Variants in SORCS2 observed in about 807,000 individuals in gnomAD.
SORCS2 encodes VPS10 domain-containing receptor SorCS2.
Under a neutral mutation model 141.6 loss-of-function variants are expected in SORCS2, and 100 were observed. The observed-to-expected ratio is 0.71, with a 90% confidence interval of 0.60 to 0.83. The LOEUF (loss-of-function observed/expected upper bound fraction) is 0.83, where lower values mean the gene tolerates loss of function less well. SORCS2 is among the 40% of genes least tolerant of loss of function. SORCS2 has a pLI of 0.00. For synonymous variants in SORCS2, 789 were observed against 676.9 expected (o/e 1.17, Z -2.57); for missense variants, 1,646 against 1,560.2 (o/e 1.05, Z -0.93).
intron 1 of SORCS2, among the ~76,000 whole-genome samples, chr4:7,277,346 G>C (rs561732252): frequency 9.8e-5 from 15 of 152,308 alleles, no homozygotes; most frequent in Middle Eastern, 3.4e-3. Context: ...GCTGAGCGGG[G>C]GTCTCTGCCT....
intron 1 of SORCS2, among the ~76,000 whole-genome samples, chr4:7,291,201 G>C (rs1238236867): frequency 6.6e-6 from 1 of 152,148 alleles, no homozygotes; most frequent in Non-Finnish European, 1.5e-5. Context: ...GGCGGTGGGG[G>C]CAGAGCTGAG....
intron 1 of SORCS2, among the ~76,000 whole-genome samples, chr4:7,284,540 A>G (rs1716085293): frequency 6.6e-6 from 1 of 152,212 alleles, no homozygotes; most frequent in Non-Finnish European, 1.5e-5. Context: ...TGGCAGCTCC[A>G]TGACCCTCAG....
chr4:7,265,277 G>T (rs1714651057), intron 1 of SORCS2, among the ~76,000 whole-genome samples: 1 of 152,152 alleles, frequency 6.6e-6, no homozygotes, highest in African/African-American at 2.4e-5. Context: ...TGGATCACGA[G>T]GTCAAGAGAT....
At position 7,661,480 on chromosome 4, in the gene SORCS2, C is replaced by T. The variant is rs780735529; in HGVS notation, c.888-20C>T. On this transcript the variant is annotated intron_variant, in intron 5 of 26. Transcript: ENST00000507866. ...ATGGTGACTCCATTCCCGACCCCAG[C>T]CTCAGCTCTTCTTTTCCAGGTCTGT... 4.5e-6 allele frequency: 7 copies of T among 1,551,288 alleles called. No homozygotes were observed. The African/African-American group carries it at 5.5e-5, about 12-fold the overall frequency.
chr4:7,396,434 C>CT, intron 2 of SORCS2, 79 bp downstream of exon 2: 2 of 1,441,328 alleles, frequency 1.4e-6, no homozygotes. Context: ...GGACCGAGAT[C>CT]CAAACACCTC....
chr4:7,264,409 G>A (rs904040806), intron 1 of SORCS2, among the ~76,000 whole-genome samples: 6 of 152,232 alleles, frequency 3.9e-5, no homozygotes, highest in South Asian at 4.2e-4. Context: ...TGCAGGTGTG[G>A]GCATCTGTCC....
chr4:7,456,345 G>A (rs542250480), intron 2 of SORCS2, among the ~76,000 whole-genome samples: 1 of 152,294 alleles, frequency 6.6e-6, no homozygotes, highest in South Asian at 2.1e-4. Context: ...ATGCGAATGA[G>A]GCATTTCCCT....
chr4:7,724,921 G>GT lies in SORCS2; in HGVS notation c.2612-233_2612-232insT, dbSNP rs1727078961. On this transcript the variant is annotated intron_variant, in intron 19 of 26. Coordinates refer to ENST00000507866, the MANE Select transcript of SORCS2 (RefSeq NM_020777.3). Reference sequence around the variant, plus strand: ...TGGTGGTGATAGTATTGGTGGGAATGGATGGTGGTAGTAGTGGTGATGGTG... The same window carrying GT: ...TGGTGGTGATAGTATTGGTGGGAATGTGATGGTGGTAGTAGTGGTGATGGTG... Among the ~76,000 whole-genome samples, 72 of 38,780 alleles carry GT rather than the reference G, an allele frequency of 1.9e-3. 1 individual carries two copies. The highest frequency in any genetic ancestry group is 4.0e-3 in the East Asian group (5 of 1,246). 25.4% of individuals were successfully genotyped at this position (38,780 alleles called of 152,430 possible).
intron 14 of SORCS2, among the ~76,000 whole-genome samples, chr4:7,709,073 G>A (rs778953510): frequency 6.6e-6 from 1 of 152,184 alleles, no homozygotes; most frequent in Non-Finnish European, 1.5e-5. Context: ...TGGCCTTTAC[G>A]GGGATGGGGA....
chr4:7,313,460 A>G (rs4689699), intron 1 of SORCS2, among the ~76,000 whole-genome samples: 90,806 of 152,024 alleles, frequency 0.6, 27,243 homozygotes, highest in South Asian at 0.76. Flanking sequence ...ACGAGAGGGT[A>G]AAGGGAGGAG....
At chr4:7,314,846 T>C (rs1158003731) in intron 1 of SORCS2, among the ~76,000 whole-genome samples, 1 of 147,902 alleles carries the variant, frequency 6.8e-6, no homozygotes, top group Non-Finnish European at 1.5e-5. Context: ...GTTGTTGTTT[T>C]TGTTGTTGTT....
intron 3 of SORCS2, among the ~76,000 whole-genome samples, chr4:7,629,368 G>T (rs938998743): frequency 6.6e-6 from 1 of 152,160 alleles, no homozygotes; most frequent in African/African-American, 2.4e-5. Flanking sequence ...GGTGGCCAGA[G>T]CCAGGTGAGA....
At chr4:7,399,449 A>C (rs923717438) in intron 2 of SORCS2, among the ~76,000 whole-genome samples, 3 of 152,136 alleles carry the variant, frequency 2.0e-5, no homozygotes, top group Non-Finnish European at 2.9e-5. Context: ...CTCGAAGCTG[A>C]ATGTGTTTTT....
chr4:7,193,036 G>T lies in SORCS2; in HGVS notation c.390G>T (p.Ala130=), dbSNP rs1447358963. 2 of 1,514,398 alleles carry T rather than the reference G, an allele frequency of 1.3e-6. No individual in the cohort carries two copies. The highest frequency in any genetic ancestry group is 2.1e-5 in the Admixed American group (1 of 48,136). 93.8% of individuals were successfully genotyped at this position (1,514,398 alleles called of 1,614,324 possible). A position where few individuals can be genotyped will look rare whatever the true frequency, so the allele number is the denominator to read the frequency against. Residue 130 remains alanine (A), a synonymous_variant, in exon 1 of 27, where the codon GCG becomes GCT. Coordinates refer to ENST00000507866, the MANE Select transcript of SORCS2 (RefSeq NM_020777.3). The surrounding 1 kb of genome is among the most constrained non-coding windows in gnomAD (Gnocchi z 4.8). ...CGCTGGCCGGAGTGGCTTCGCGGGC[G>T]CAGGTCTCGCTCATCAGCACGTCGT... The part of the protein sequence containing the change: ...AAPLAGVASR[A]QVSLISTSFV...
At chr4:7,214,568 T>C (rs1490548118) in intron 1 of SORCS2, among the ~76,000 whole-genome samples, 4 of 152,236 alleles carry the variant, frequency 2.6e-5, no homozygotes, top group African/African-American at 9.6e-5. Flanking sequence ...AAATTCCACA[T>C]GGCACTGACT....
intron 2 of SORCS2, among the ~76,000 whole-genome samples, chr4:7,466,962 C>T (rs1560308618): frequency 6.6e-6 from 1 of 152,046 alleles, no homozygotes; most frequent in Non-Finnish European, 1.5e-5. Context: ...ATGGGTGGGG[C>T]TTGTATGTAT....
At chr4:7,537,783 C>T (rs1450787556) in intron 3 of SORCS2, among the ~76,000 whole-genome samples, 1 of 152,140 alleles carries the variant, frequency 6.6e-6, no homozygotes, top group Non-Finnish European at 1.5e-5. Context: ...GAGGCTGGAG[C>T]ATCGCTTGAG....
chr4:7,592,853 A>T (rs1717008216), intron 3 of SORCS2, among the ~76,000 whole-genome samples: 1 of 152,226 alleles, frequency 6.6e-6, no homozygotes. Context: ...GAATGACATA[A>T]ACCACCAACC....
intron 3 of SORCS2, among the ~76,000 whole-genome samples, chr4:7,560,974 C>T (rs988770885): frequency 6.6e-6 from 1 of 152,124 alleles, no homozygotes; most frequent in African/African-American, 2.4e-5. Context: ...CAAGATGGAG[C>T]TTGCCGCCAT....
Sources: gnomAD v4.1 joint callset for allele counts (sites outside exome capture counted in the v4.1 genomes callset) on GRCh38, gnomAD v4.1.1 for gene constraint, Gnocchi (gnomAD v3.1) non-coding constraint, MANE v1.5 for transcripts, NCBI Gene and HGNC (gene_info 2026-07-23, HGNC 2026-07-21) for gene names.